BSN: variants seen among roughly 807,000 people sequenced by gnomAD.
The protein encoded by BSN is bassoon presynaptic cytomatrix protein.
A neutral mutation model predicts 264.8 loss-of-function variants in BSN; 57 were observed. The ratio of observed to expected loss-of-function variants is 0.22; its 90% CI spans 0.17 to 0.27. BSN has a LOEUF of 0.27. BSN is among the 10% of genes least tolerant of loss of function. The pLI is 1.00. For missense variants in BSN, 4,615 were observed against 5,232.5 expected (o/e 0.88, Z 3.64); for synonymous variants, 2,059 against 2,137.3 (o/e 0.96, Z 1.01).
At position 49,651,484 on chromosome 3, in the gene BSN, G is replaced by A; in HGVS notation, c.1987-59G>A. 1 of 1,501,898 alleles carries A rather than the reference G, an allele frequency of 6.7e-7. No individual in the cohort carries two copies. The highest frequency in any genetic ancestry group is 1.4e-5 in the African/African-American group (1 of 71,672). The allele number at this position is 1,501,898 out of a possible 1,614,324, so 93.0% of individuals were successfully genotyped here. ...GGTCCTGGGATTGACAGGGAGGATT[G>A]GGTTCCCACCACGAGCTTTGCCATG... On this transcript the variant is annotated intron_variant, in intron 4 of 11. Coordinates refer to ENST00000296452, the MANE Select transcript of BSN (RefSeq NM_003458.4). The surrounding 1 kb of genome is among the most constrained non-coding windows in gnomAD (Gnocchi z 5.4).
In BSN at chr3:49,657,608, C is replaced by T. The variant is rs557287227; in HGVS notation, c.8052C>T (p.Val2684=). The T allele has an allele frequency of 1.9e-6, 3 of 1,609,056 alleles. No individual in the cohort carries two copies. In the South Asian group the frequency reaches 3.3e-5, roughly 18 times the overall value. ...VQTEPDQLPR[V]SPAIHITAAT... is the part of the protein sequence containing the mutation. Reference sequence around the variant, plus strand: ...CGGAGCCTGACCAGCTGCCCAGGGTCTCTCCAGCCATCCACATCACAGCTG... The same window carrying T: ...CGGAGCCTGACCAGCTGCCCAGGGTTTCTCCAGCCATCCACATCACAGCTG... The change falls in exon 5 of 12, where the codon GTC becomes GTT. Residue 2684 remains valine (V), a synonymous_variant. Coordinates refer to ENST00000296452, the MANE Select transcript of BSN (RefSeq NM_003458.4).
intron 2 of BSN, among the ~76,000 whole-genome samples, chr3:49,633,461 C>G (rs1057351337): frequency 1.3e-5 from 2 of 151,944 alleles, no homozygotes; most frequent in Admixed American, 6.5e-5. Context: ...AAATTGGAAC[C>G]CTTGTGCACT....
chr3:49,664,185 C>T (rs1269466485), intron 8 of BSN, among the ~76,000 whole-genome samples: 1 of 152,184 alleles, frequency 6.6e-6, no homozygotes, highest in East Asian at 1.9e-4. Flanking sequence ...CCCTTTCCTG[C>T]TCTTCTCTGC....
chr3:49,636,237 C>A (rs959826917), intron 2 of BSN, among the ~76,000 whole-genome samples: 5 of 152,120 alleles, frequency 3.3e-5, no homozygotes, highest in African/African-American at 1.2e-4. Flanking sequence ...CAAGGACTTG[C>A]AGGCCAGGAT....
At chr3:49,617,587 T>C (rs539206649) in intron 1 of BSN, among the ~76,000 whole-genome samples, 1 of 152,280 alleles carries the variant, frequency 6.6e-6, no homozygotes, top group East Asian at 1.9e-4. Context: ...GGGTCCTGCC[T>C]GTGGACACCT....
intron 1 of BSN, among the ~76,000 whole-genome samples, chr3:49,594,152 G>A (rs11716159): frequency 0.071 from 10,741 of 152,226 alleles, 520 homozygotes; most frequent in Middle Eastern, 0.1. Context: ...CCAGTCTGTA[G>A]CTTTTCTTTT....
At chr3:49,580,310 TG>T (rs1291568180) in intron 1 of BSN, among the ~76,000 whole-genome samples, 4 of 152,212 alleles carry the variant, frequency 2.6e-5, no homozygotes, top group Admixed American at 1.3e-4. Flanking sequence ...TGTTTTATCC[TG>T]TTCTATTTTT....
intron 1 of BSN, among the ~76,000 whole-genome samples, chr3:49,570,539 G>A (rs935937669): frequency 2.6e-5 from 4 of 152,186 alleles, no homozygotes; most frequent in African/African-American, 9.7e-5. Context: ...CCTCTGTGCT[G>A]TCCCTACTCA....
intron 1 of BSN, among the ~76,000 whole-genome samples, chr3:49,621,212 C>A (rs1269991478): frequency 1.3e-5 from 2 of 152,100 alleles, no homozygotes; most frequent in African/African-American, 4.8e-5. Context: ...GGCAGTTAGA[C>A]AGGTGAAGAG....
chr3:49,634,481 A>G (rs916532964), intron 2 of BSN, among the ~76,000 whole-genome samples: 1 of 152,144 alleles, frequency 6.6e-6, no homozygotes, highest in African/African-American at 2.4e-5. Context: ...CAGTGATGCA[A>G]TCTTGGCTCA....
chr3:49,657,790 C>T lies in BSN; in HGVS notation c.8234C>T (p.Pro2745Leu), dbSNP rs555655091. ...CCAACTGCCATCAGCCCCTACCTGC[C>T]TGGCATCCAGATCGTCACCCCAGGG... ...VGPTAISPYL[P>L]GIQIVTPGPL... The change falls in exon 5 of 12, where the codon CCT becomes CTT. Residue 2745 changes from proline to leucine, a missense_variant. Transcript: ENST00000296452. 3.8e-5 allele frequency: 59 copies of T among 1,570,254 alleles called. No individual in the cohort carries two copies. Among genetic ancestry groups the T allele is most frequent in the Non-Finnish European group, 4.9e-5 (57 of 1,156,332 alleles).
Position 49,642,118 on chromosome 3 carries a change from G to C in BSN, c.634-150G>C, listed in dbSNP as rs942673462. 1 of 576,914 alleles carries C rather than the reference G, an allele frequency of 1.7e-6. No homozygotes were observed. Among genetic ancestry groups the C allele is most frequent in the Middle Eastern group, 3.9e-4 (1 of 2,582 alleles). The allele number at this position is 576,914 out of a possible 1,614,324, so 35.7% of individuals were successfully genotyped here. On this transcript the variant is annotated intron_variant, in intron 2 of 11. Transcript: ENST00000296452. The surrounding 1 kb of genome is among the most constrained non-coding windows in gnomAD (Gnocchi z 7.0). ...GGAGTGCCATCTGTCCTTCAGCCCT[G>C]CCACCTGGCAGCCCAGAAATGCCTG... is the stretch of plus-strand genomic sequence containing the variant.
In BSN at chr3:49,663,057, G is replaced by A; in HGVS notation, c.10899G>A (p.Glu3633=). The A allele has an allele frequency of 6.2e-7, 1 of 1,613,208 alleles. No homozygotes were observed. Among genetic ancestry groups the A allele is most frequent in the Non-Finnish European group, 8.5e-7 (1 of 1,179,956 alleles). The change falls in exon 7 of 12, where the codon GAG becomes GAA. Residue 3633 remains glutamate, a synonymous_variant. Coordinates refer to ENST00000296452, the MANE Select transcript of BSN (RefSeq NM_003458.4). ...AGGAGGGCCTGTGGCCTCATGATGA[G>A]GGTGGCCCAGGCCGCCATGCCTCAG... The part of the protein sequence containing the change: ...PPEEGLWPHD[E]GGPGRHASAK...
At chr3:49,643,316 C>T (rs540331419) in intron 3 of BSN, among the ~76,000 whole-genome samples, 164 bp downstream of exon 3, 2 of 152,340 alleles carry the variant, frequency 1.3e-5, no homozygotes, top group Non-Finnish European at 1.5e-5. Flanking sequence ...CTGTCCCTAC[C>T]TCAGGCCCCA....
rs150154360 is a variant in BSN at position 49,652,016 on chromosome 3, G to A, written c.2460G>A (p.Glu820=). The A allele has an allele frequency of 6.2e-7, 1 of 1,612,592 alleles. No homozygotes were observed. The highest frequency in any genetic ancestry group is 8.5e-7 in the Non-Finnish European group (1 of 1,178,980). Residue 820 remains glutamate, a synonymous_variant, in exon 5 of 12, where the codon GAG becomes GAA. Coordinates refer to ENST00000296452, the MANE Select transcript of BSN (RefSeq NM_003458.4). ...ACGACTATGTGGAGGACAGCAGTGA[G>A]GGTGGCCTGTCCCCTCTTCCACCCC... ...LRHDYVEDSS[E]GGLSPLPPQP...
intron 3 of BSN, among the ~76,000 whole-genome samples, chr3:49,645,077 C>G (rs1388031653): frequency 1.3e-5 from 2 of 152,180 alleles, no homozygotes; most frequent in African/African-American, 4.8e-5. Context: ...CCTGCTGTCT[C>G]CATGTCCTGC....
At chr3:49,589,918 A>G (rs566530410) in intron 1 of BSN, among the ~76,000 whole-genome samples, 1 of 149,302 alleles carries the variant, frequency 6.7e-6, no homozygotes, top group Non-Finnish European at 1.5e-5. Context: ...GCTCACTGCA[A>G]CCTCCGCCTC....
chr3:49,632,391 C>T (rs539048549), intron 2 of BSN, among the ~76,000 whole-genome samples: 1 of 152,248 alleles, frequency 6.6e-6, no homozygotes, highest in South Asian at 2.1e-4. Context: ...AAAAAGGCAA[C>T]CCACAGAATG....
intron 1 of BSN, among the ~76,000 whole-genome samples, chr3:49,594,970 C>T (rs1044448209): frequency 2.1e-4 from 31 of 149,254 alleles, no homozygotes; most frequent in African/African-American, 6.7e-4. Context: ...GGCTCACTGC[C>T]GTCTCTGCCT....
Sources: gnomAD v4.1 joint callset for allele counts (sites outside exome capture counted in the v4.1 genomes callset) on GRCh38, gnomAD v4.1.1 for gene constraint, Gnocchi (gnomAD v3.1) non-coding constraint, MANE v1.5 for transcripts, NCBI Gene and HGNC (gene_info 2026-07-23, HGNC 2026-07-21) for gene names.